Variants in GRHL3 observed in about 807,000 individuals in gnomAD.
The protein encoded by GRHL3 is grainyhead like transcription factor 3.
GRHL3 carries 20 observed loss-of-function variants against 70.3 expected under a neutral mutation model. The observed-to-expected ratio is 0.28, with a 90% confidence interval of 0.20 to 0.41. The LOEUF (loss-of-function observed/expected upper bound fraction) is 0.41, where lower values mean the gene tolerates loss of function less well. Among genes scored for constraint, GRHL3 ranks in the 10% least tolerant of loss-of-function variants. The pLI is 1.00. For synonymous variants in GRHL3, 299 were observed against 299.9 expected (o/e 1.00, Z 0.03); for missense variants, 637 against 762.3 (o/e 0.84, Z 1.94).
intron 1 of GRHL3, among the ~76,000 whole-genome samples, chr1:24,329,066 T>A (rs1639505555): frequency 6.6e-6 from 1 of 152,112 alleles, no homozygotes; most frequent in Non-Finnish European, 1.5e-5. Flanking sequence ...TCTTCTCACC[T>A]CTCCTTGAGG....
chr1:24,353,363 G>A (rs889459558), intron 15 of GRHL3, among the ~76,000 whole-genome samples: 2 of 152,138 alleles, frequency 1.3e-5, no homozygotes, highest in Admixed American at 6.5e-5. Context: ...ATGGGAAGAT[G>A]ACGGCAGGTG....
At chr1:24,335,328 G>A (rs1204512050) in intron 3 of GRHL3, among the ~76,000 whole-genome samples, 1 of 152,214 alleles carries the variant, frequency 6.6e-6, no homozygotes, top group Admixed American at 6.5e-5. Flanking sequence ...TTTAGAAAGC[G>A]GCCCAGGCCA....
At chr1:24,358,742 G>A (rs577417902), downstream of GRHL3, 125 of 674,872 alleles carry the variant, frequency 1.9e-4, no homozygotes, top group African/African-American at 1.5e-3. Flanking sequence ...TATCTTACAC[G>A]TGGGGAGACA....
intron 11 of GRHL3, among the ~76,000 whole-genome samples, chr1:24,344,473 T>C (rs1262270300): frequency 9.2e-6 from 1 of 108,638 alleles, no homozygotes; most frequent in Non-Finnish European, 1.7e-5. Flanking sequence ...CCTGGGAGAC[T>C]CTTTCCCCCC....
At chr1:24,319,603 G>C (rs1441444114) in intron 1 of GRHL3, 35 bp downstream of exon 1, 9 of 1,613,570 alleles carry the variant, frequency 5.6e-6, no homozygotes, top group Non-Finnish European at 7.6e-6. Flanking sequence ...GCCGCTCTCA[G>C]AGCGTGGAGG....
intron 15 of GRHL3, 84 bp downstream of exon 15, chr1:24,350,206 G>T: frequency 4.2e-6 from 5 of 1,177,756 alleles, no homozygotes; most frequent in Non-Finnish European, 6.1e-6. Context: ...GGGCTGAGGG[G>T]ATGTGGAGTT....
At chr1:24,324,996 C>T (rs1639339159) in intron 1 of GRHL3, among the ~76,000 whole-genome samples, 1 of 152,160 alleles carries the variant, frequency 6.6e-6, no homozygotes, top group African/African-American at 2.4e-5. Flanking sequence ...CCTGGGGCGC[C>T]CCTGTCGTGC....
At chr1:24,364,239 T>C (rs1433210799) in exon 16 of GRHL3, 3 of 1,547,912 alleles carry the variant, frequency 1.9e-6, no homozygotes, top group South Asian at 1.2e-5. Context: ...CTGACTGTCT[T>C]GAATGTTCCC....
intron 1 of GRHL3, among the ~76,000 whole-genome samples, chr1:24,326,126 A>C (rs1175131884): frequency 6.6e-6 from 1 of 152,160 alleles, no homozygotes; most frequent in Non-Finnish European, 1.5e-5. Flanking sequence ...ATATAACACT[A>C]TGCAAATGTG....
intron 1 of GRHL3, among the ~76,000 whole-genome samples, chr1:24,328,848 C>T (rs923751361): frequency 1.3e-4 from 20 of 152,202 alleles, no homozygotes; most frequent in African/African-American, 4.6e-4. Context: ...TTATTAGACT[C>T]GTTTACAAAT....
intron 8 of GRHL3, among the ~76,000 whole-genome samples, chr1:24,340,893 C>G (rs944116940): frequency 6.6e-6 from 1 of 152,096 alleles, no homozygotes; most frequent in African/African-American, 2.4e-5. Flanking sequence ...TGGGGATTTT[C>G]TCACAGCCTT....
At chr1:24,325,787 C>T (rs1002126842) in intron 1 of GRHL3, among the ~76,000 whole-genome samples, 6 of 152,196 alleles carry the variant, frequency 3.9e-5, no homozygotes, top group Non-Finnish European at 7.3e-5. Flanking sequence ...ACAGACTGGA[C>T]GGGAGGCCTC....
intron 3 of GRHL3, among the ~76,000 whole-genome samples, chr1:24,335,327 C>G (rs1008867460): frequency 6.6e-6 from 1 of 152,368 alleles, no homozygotes; most frequent in South Asian, 2.1e-4. Context: ...CTTTAGAAAG[C>G]GGCCCAGGCC....
rs114853737 is a variant in GRHL3 at position 24,332,968 on chromosome 1, C to T, written c.204+1356C>T. Among the ~76,000 whole-genome samples, 1,444 of 152,266 alleles carry T rather than the reference C, an allele frequency of 9.5e-3. 18 individuals carry two copies. The highest frequency in any genetic ancestry group is 0.024 in the Middle Eastern group (7 of 294). Reference sequence around the variant, plus strand: ...GATGGAAGAGGAGTTTGAATGGCTGCCTTGGCTTGGGGCCATGGTAGGAGC... The same window carrying T: ...GATGGAAGAGGAGTTTGAATGGCTGTCTTGGCTTGGGGCCATGGTAGGAGC... On this transcript the variant is annotated intron_variant, in intron 2 of 15. Coordinates refer to ENST00000361548, the MANE Select transcript of GRHL3 (RefSeq NM_198173.3).
chr1:24,360,323 C>A (rs893595109), intron 15 of GRHL3, among the ~76,000 whole-genome samples: 1 of 152,136 alleles, frequency 6.6e-6, no homozygotes, highest in African/African-American at 2.4e-5. Flanking sequence ...GTGGCATGTA[C>A]CTGTAATTCC....
At chr1:24,324,592 A>G (rs1639321349) in intron 1 of GRHL3, among the ~76,000 whole-genome samples, 1 of 152,242 alleles carries the variant, frequency 6.6e-6, no homozygotes, top group Non-Finnish European at 1.5e-5. Context: ...TGTAAAAAAC[A>G]AAGACAATGA....
intron 12 of GRHL3, 52 bp from the exon 13 acceptor site, chr1:24,346,501 C>A: frequency 7.6e-7 from 1 of 1,316,202 alleles, no homozygotes; most frequent in Non-Finnish European, 1.1e-6. Flanking sequence ...GGTCCTTGAG[C>A]CTCTAGGGGT....
At chr1:24,320,661 G>A (rs1639146802) in intron 1 of GRHL3, among the ~76,000 whole-genome samples, 1 of 152,200 alleles carries the variant, frequency 6.6e-6, no homozygotes, top group Admixed American at 6.5e-5. Context: ...GGTCCTGACT[G>A]CAGACCGGAT....
chr1:24,343,222 T>A (rs1640120018), intron 11 of GRHL3, 197 bp downstream of exon 11: 1 of 570,178 alleles, frequency 1.8e-6, no homozygotes, highest in African/African-American at 1.9e-5. Flanking sequence ...AGAAGAATGT[T>A]ATGAAGAAAC....
Sources: gnomAD v4.1 joint callset for allele counts (sites outside exome capture counted in the v4.1 genomes callset) on GRCh38, gnomAD v4.1.1 for gene constraint, MANE v1.5 for transcripts, NCBI Gene and HGNC (gene_info 2026-07-23, HGNC 2026-07-21) for gene names.